OTOG: variants seen among roughly 807,000 people sequenced by gnomAD.
OTOG encodes otogelin.
Under a neutral mutation model 313.8 loss-of-function variants are expected in OTOG, and 296 were observed. The ratio of observed to expected loss-of-function variants is 0.94; its 90% CI spans 0.86 to 1.04. The LOEUF is 1.04. OTOG is among the 50% of genes least tolerant of loss of function. The pLI, the probability that OTOG is intolerant of heterozygous loss-of-function variation, is 0.00. For synonymous variants in OTOG, 1,533 were observed against 1,554.9 expected (o/e 0.99, Z 0.33); for missense variants, 3,948 against 3,840.1 (o/e 1.03, Z -0.74).
intron 23 of OTOG, among the ~76,000 whole-genome samples, chr11:17,584,162 A>G (rs776422895): frequency 1.2e-4 from 19 of 152,216 alleles, no homozygotes; most frequent in Non-Finnish European, 2.5e-4. Flanking sequence ...GTATTCTGCA[A>G]TCTTGCTAAA....
chr11:17,593,492 A>G (rs1252504676), intron 26 of OTOG, 118 bp from the exon 27 acceptor site: 1 of 1,442,172 alleles, frequency 6.9e-7, no homozygotes, highest in East Asian at 2.5e-5. Context: ...AGGAACACAG[A>G]GGCCAATGTC....
rs376819629 is a variant in OTOG, at chr11:17,575,939, C to T, written c.2487-617C>T. 4.6e-5 allele frequency among the ~76,000 whole-genome samples: 7 copies of T among 152,330 alleles called. No individual in the cohort carries two copies. The East Asian group carries it at 1.4e-3, about 29-fold the overall frequency. On this transcript the variant is annotated intron_variant, in intron 20 of 55. Coordinates refer to ENST00000399397, the MANE Select transcript of OTOG (RefSeq NM_001292063.2). Reference sequence around the variant, plus strand: ...AAGACCTGCACGTGCCTATAATCGGCAGGTTCTGTGGGAGCTGTGTGAGGA... The same window carrying T: ...AAGACCTGCACGTGCCTATAATCGGTAGGTTCTGTGGGAGCTGTGTGAGGA...
rs79071342 is a variant in OTOG, at chr11:17,629,913, A to G, written c.6712+597A>G. Among the ~76,000 whole-genome samples the G allele has an allele frequency of 3.8e-3, 584 of 152,264 alleles. 3 individuals are homozygous for G. Among genetic ancestry groups the G allele is most frequent in the African/African-American group, 0.013 (559 of 41,538 alleles). Reference sequence around the variant, plus strand: ...ATTGCCGGGGCATAAGCACATGGACACTCATGGGGCACTCCGTGACAGACT... The same window carrying G: ...ATTGCCGGGGCATAAGCACATGGACGCTCATGGGGCACTCCGTGACAGACT... On this transcript the variant is annotated intron_variant, in intron 40 of 55. Transcript: ENST00000399397.
At chr11:17,588,226 T>C (rs146363728) in intron 24 of OTOG, among the ~76,000 whole-genome samples, 3 of 152,140 alleles carry the variant, frequency 2.0e-5, no homozygotes, top group Non-Finnish European at 4.4e-5. Context: ...AAATTCTACC[T>C]CCTAATACAG....
intron 23 of OTOG, among the ~76,000 whole-genome samples, chr11:17,579,861 T>C (rs1467785737): frequency 6.6e-6 from 1 of 152,142 alleles, no homozygotes; most frequent in Non-Finnish European, 1.5e-5. Context: ...GACCGGGCTC[T>C]GGGCTCAGTT....
At chr11:17,597,233 T>A (rs1354989862) in intron 30 of OTOG, among the ~76,000 whole-genome samples, 1 of 152,224 alleles carries the variant, frequency 6.6e-6, no homozygotes, top group African/African-American at 2.4e-5. Context: ...AGAGATCAAG[T>A]AACATGCTCA....
intron 8 of OTOG, 138 bp from the exon 9 acceptor site, chr11:17,558,047 G>A (rs1317410401): frequency 1.8e-6 from 2 of 1,102,908 alleles, no homozygotes; most frequent in Middle Eastern, 3.1e-4. Flanking sequence ...AACCCTGATT[G>A]GGATGGGAGC....
In OTOG at chr11:17,610,342, T is replaced by A; in HGVS notation, c.5042T>A (p.Val1681Asp). 2 of 1,549,960 alleles carry A rather than the reference T, an allele frequency of 1.3e-6. No homozygotes were observed. The highest frequency in any genetic ancestry group is 1.7e-6 in the Non-Finnish European group (2 of 1,146,822). The change falls in exon 36 of 56, where the codon GTC becomes GAC. Residue 1681 changes from valine to aspartate, a missense_variant. Physicochemically the swap from Val to Asp is radical, Grantham distance 152. Transcript: ENST00000399397. ...AVTKVISRTG[V>D]PQPTQAQSAS... Reference sequence around the variant, plus strand: ...ACTAAGGTCATAAGCAGGACAGGGGTCCCCCAGCCCACCCAGGCCCAGAGT... The same window carrying A: ...ACTAAGGTCATAAGCAGGACAGGGGACCCCCAGCCCACCCAGGCCCAGAGT...
chr11:17,612,865 A>T lies in OTOG; in HGVS notation c.6438+100A>T, dbSNP rs1853596793. The T allele has an allele frequency of 5.9e-6, 8 of 1,365,838 alleles. No individual in the cohort carries two copies. The South Asian group carries it at 1.2e-4, about 20-fold the overall frequency. 84.6% of individuals were successfully genotyped at this position (1,365,838 alleles called of 1,614,324 possible). A position where few individuals can be genotyped will look rare whatever the true frequency, so the allele number is the denominator to read the frequency against. ...GCCAGGGTACCAGAGGCAAAGACAG[A>T]TGTGGAAGCCCCCCTGAGCTCCCTC... On this transcript the variant is annotated intron_variant, in intron 38 of 55. Coordinates refer to ENST00000399397, the MANE Select transcript of OTOG (RefSeq NM_001292063.2).
In OTOG at chr11:17,553,518, A is replaced by C; in HGVS notation, c.539A>C (p.Gln180Pro). ...HEPEGQSFSI[Q>P]VHNDPQCGSS... ...CCCGAGGGACAGAGCTTCTCCATCC[A>C]GGTGAGGCCTCCCCTGCCTTGCCTG... The change falls in exon 6 of 56, where the codon CAG becomes CCG. Residue 180 changes from glutamine to proline, a missense_variant and splice_region_variant. By Grantham distance (76) the Gln-to-Pro change is moderately conservative (BLOSUM62 -1). Coordinates refer to ENST00000399397, the MANE Select transcript of OTOG (RefSeq NM_001292063.2). 2 of 1,432,864 alleles carry C rather than the reference A, an allele frequency of 1.4e-6. No individual in the cohort carries two copies. The allele number at this position is 1,432,864 out of a possible 1,614,324, so 88.8% of individuals were successfully genotyped here.
At position 17,643,211 on chromosome 11, in the gene OTOG, C is replaced by A. The variant is rs534741386; in HGVS notation, c.8416-250C>A. Among the ~76,000 whole-genome samples, 492 of 152,328 alleles carry A rather than the reference C, an allele frequency of 3.2e-3. 1 individual carries two copies. The highest frequency in any genetic ancestry group is 0.01 in the African/African-American group (424 of 41,576). Reference sequence around the variant, plus strand: ...ATGGAAGACATGAGGGGAACTGCCCCAGGAAAGATGGGAGGCCCTGTACCA... The same window carrying A: ...ATGGAAGACATGAGGGGAACTGCCCAAGGAAAGATGGGAGGCCCTGTACCA... On this transcript the variant is annotated intron_variant, in intron 53 of 55. Transcript: ENST00000399397.
chr11:17,596,439 C>T (rs1853110856), intron 29 of OTOG, among the ~76,000 whole-genome samples: 1 of 152,252 alleles, frequency 6.6e-6, no homozygotes. Flanking sequence ...GGACCCAAAG[C>T]CCTCATGCTG....
intron 25 of OTOG, among the ~76,000 whole-genome samples, chr11:17,592,645 TG>T (rs777278576): frequency 1.1e-4 from 17 of 152,342 alleles, no homozygotes; most frequent in Non-Finnish European, 2.1e-4. Context: ...TTCATATAGT[TG>T]GTACACACTT....
chr11:17,609,355 T>C (rs1853467109), intron 35 of OTOG, 146 bp downstream of exon 35: 1 of 740,990 alleles, frequency 1.3e-6, no homozygotes, highest in South Asian at 1.8e-5. Flanking sequence ...GCACAGGGGA[T>C]GCAGAGGCCT....
rs1294244452 is a variant in OTOG, at chr11:17,610,111, C to T, written c.4811C>T (p.Ser1604Phe). The T allele has an allele frequency of 5.8e-6, 9 of 1,550,486 alleles. No homozygotes were observed. Among genetic ancestry groups the T allele is most frequent in the African/African-American group, 2.7e-5 (2 of 73,006 alleles). The change falls in exon 36 of 56, where the codon TCC becomes TTC. Residue 1604 changes from serine to phenylalanine, a missense_variant. Coordinates refer to ENST00000399397, the MANE Select transcript of OTOG (RefSeq NM_001292063.2). ...GCAGGAAGCCCTAACATCACAGTCTCCTCCCGGTCGCCCCCTGCCCCTCGC... is the reference window on the plus strand; with the variant it reads ...GCAGGAAGCCCTAACATCACAGTCTTCTCCCGGTCGCCCCCTGCCCCTCGC... The part of the protein sequence containing the change: ...IFAGSPNITV[S>F]SRSPPAPRFP...
intron 39 of OTOG, among the ~76,000 whole-genome samples, chr11:17,616,282 C>T (rs1292768621): frequency 1.3e-5 from 2 of 152,104 alleles, no homozygotes; most frequent in Non-Finnish European, 2.9e-5. Flanking sequence ...GTCTCAAACT[C>T]CTGGCCTCAA....
At chr11:17,613,241 TTC>T (rs1853629441) in intron 38 of OTOG, among the ~76,000 whole-genome samples, 1 of 122,350 alleles carries the variant, frequency 8.2e-6, no homozygotes, top group African/African-American at 3.7e-5. Context: ...CTTTCTTTCT[TTC>T]TTTCTTTCTT....
rs145249122 is a variant in OTOG at position 17,608,891 on chromosome 11, C to T, written c.4275-239C>T. On this transcript the variant is annotated intron_variant, in intron 34 of 55. Coordinates refer to ENST00000399397, the MANE Select transcript of OTOG (RefSeq NM_001292063.2). ...GTGTACCTTGCTCGTGTGTGTGTTTCCCTCTCGGTCTGAGGGGTAGAAGTG... is the reference window on the plus strand; with the variant it reads ...GTGTACCTTGCTCGTGTGTGTGTTTTCCTCTCGGTCTGAGGGGTAGAAGTG... Among the ~76,000 whole-genome samples the T allele has an allele frequency of 4.8e-3, 736 of 152,220 alleles. 3 individuals carry two copies. The highest frequency in any genetic ancestry group is 0.014 in the Middle Eastern group (4 of 294).
chr11:17,633,309 G>T (rs1016657340), intron 42 of OTOG, among the ~76,000 whole-genome samples: 1 of 152,186 alleles, frequency 6.6e-6, no homozygotes, highest in Non-Finnish European at 1.5e-5. Flanking sequence ...AAACCTTTTC[G>T]GTAAAGAGCC....
Sources: allele counts gnomAD v4.1 joint callset (sites outside exome capture counted in the v4.1 genomes callset), GRCh38; gene constraint gnomAD v4.1.1; transcripts MANE v1.5; gene names NCBI Gene and HGNC (gene_info 2026-07-23, HGNC 2026-07-21).